The following PTPRM variants were observed in gnomAD, a reference collection of about 807,000 sequenced individuals.
The protein encoded by PTPRM is protein tyrosine phosphatase receptor type M, also known as receptor-type tyrosine-protein phosphatase mu.
In PTPRM, 47 loss-of-function variants were observed where a neutral mutation model predicts 186.7. That is an observed-to-expected ratio of 0.25 (90% CI 0.20 to 0.32). PTPRM has a LOEUF of 0.32. Among genes scored for constraint, PTPRM ranks in the 10% least tolerant of loss-of-function variants. PTPRM has a pLI of 1.00. For missense variants in PTPRM, 1,494 were observed against 1,865.0 expected (o/e 0.80, Z 3.66); for synonymous variants, 668 against 674.9 (o/e 0.99, Z 0.16).
chr18:8,099,413 T>G (rs1161120025), intron 11 of PTPRM, among the ~76,000 whole-genome samples: 1 of 152,236 alleles, frequency 6.6e-6, no homozygotes, highest in Non-Finnish European at 1.5e-5. Context: ...GACACAGGCT[T>G]CCATGAGTAT....
chr18:7,764,639 C>T (rs935559813), intron 1 of PTPRM, among the ~76,000 whole-genome samples: 1 of 152,180 alleles, frequency 6.6e-6, no homozygotes, highest in Non-Finnish European at 1.5e-5. Context: ...GGTTCTGACT[C>T]AGTAGGTCTG....
At chr18:7,748,169 A>G (rs1408991884) in intron 1 of PTPRM, among the ~76,000 whole-genome samples, 1 of 152,198 alleles carries the variant, frequency 6.6e-6, no homozygotes, top group Non-Finnish European at 1.5e-5. Context: ...TTCTGTGATG[A>G]TGGAATTGTC....
Position 7,748,978 on chromosome 18 carries a change from C to T in PTPRM, c.74-25171C>T, listed in dbSNP as rs568380702. The T allele has an allele frequency of 2.0e-5, 3 of 152,318 alleles. No homozygotes were observed. In the East Asian group the frequency reaches 5.8e-4, roughly 29 times the overall value. 9.4% of individuals were successfully genotyped at this position (152,318 alleles called of 1,614,324 possible). On this transcript the variant is annotated intron_variant, in intron 1 of 32. Coordinates refer to ENST00000580170, the MANE Select transcript of PTPRM (RefSeq NM_001105244.2). ...ACTCTAGTATAATTTCAGAATTCCT[C>T]CATTGATATTTCTTGATTACAATTT... is the stretch of plus-strand genomic sequence containing the variant.
At chr18:7,928,689 G>T (rs894360222) in intron 5 of PTPRM, among the ~76,000 whole-genome samples, 1 of 152,074 alleles carries the variant, frequency 6.6e-6, no homozygotes, top group African/African-American at 2.4e-5. Flanking sequence ...ATTAAGTCTA[G>T]AGAATACAAT....
chr18:7,799,854 T>A (rs1477598253), intron 2 of PTPRM, among the ~76,000 whole-genome samples: 1 of 152,208 alleles, frequency 6.6e-6, no homozygotes, highest in Non-Finnish European at 1.5e-5. Context: ...TATAACATCC[T>A]TATTTTGTTC....
intron 4 of PTPRM, among the ~76,000 whole-genome samples, chr18:7,912,885 G>T (rs2050352114): frequency 6.6e-6 from 1 of 152,094 alleles, no homozygotes. Flanking sequence ...AATTCAGCTG[G>T]GATATTGATA....
At chr18:8,094,011 TC>T (rs2090892146) in intron 11 of PTPRM, among the ~76,000 whole-genome samples, 1 of 152,212 alleles carries the variant, frequency 6.6e-6, no homozygotes, top group Non-Finnish European at 1.5e-5. Flanking sequence ...TAGAATTCAC[TC>T]CCCAGATTCC....
chr18:8,326,898 C>G (rs1196758458), intron 22 of PTPRM, among the ~76,000 whole-genome samples: 2 of 152,034 alleles, frequency 1.3e-5, no homozygotes, highest in African/African-American at 4.8e-5. Context: ...AGCAAAGGGG[C>G]CTTTTCTTTT....
chr18:7,715,589 A>T lies in PTPRM; in HGVS notation c.74-58560A>T, dbSNP rs1407404153. 3.3e-5 allele frequency among the ~76,000 whole-genome samples: 5 copies of T among 152,306 alleles called. No homozygotes were observed. The East Asian group carries it at 9.7e-4, about 29-fold the overall frequency. ...ATTGTCTCTGTTTGCATATGACATG[A>T]TTGTATATTTAGAAAACCCCATCAT... On this transcript the variant is annotated intron_variant, in intron 1 of 32. Coordinates refer to ENST00000580170, the MANE Select transcript of PTPRM (RefSeq NM_001105244.2).
At chr18:8,220,096 T>C (rs997793080) in intron 14 of PTPRM, among the ~76,000 whole-genome samples, 3 of 152,270 alleles carry the variant, frequency 2.0e-5, no homozygotes, top group Admixed American at 6.5e-5. Context: ...GATTTTCTTT[T>C]ACCGCATGGT....
intron 7 of PTPRM, among the ~76,000 whole-genome samples, chr18:8,005,502 G>A (rs572952890): frequency 3.3e-5 from 5 of 152,126 alleles, no homozygotes; most frequent in Non-Finnish European, 5.9e-5. Flanking sequence ...CAGATCAGTG[G>A]TTGAGGTTGA....
intron 7 of PTPRM, among the ~76,000 whole-genome samples, chr18:7,974,710 G>A (rs1443625717): frequency 6.6e-6 from 1 of 152,136 alleles, no homozygotes; most frequent in African/African-American, 2.4e-5. Flanking sequence ...ACATTTAAAA[G>A]CAACTGGGGA....
At chr18:7,960,728 A>G (rs1234546464) in intron 7 of PTPRM, among the ~76,000 whole-genome samples, 1 of 152,010 alleles carries the variant, frequency 6.6e-6, no homozygotes, top group Non-Finnish European at 1.5e-5. Context: ...ACTGCACTCC[A>G]TCATCGACAG....
intron 2 of PTPRM, among the ~76,000 whole-genome samples, chr18:7,855,798 G>A (rs575300694): frequency 1.6e-4 from 24 of 152,354 alleles, no homozygotes; most frequent in African/African-American, 4.8e-4. Flanking sequence ...ACTACATGGA[G>A]AGACATTTGT....
At chr18:7,679,346 G>T (rs1166043404) in intron 1 of PTPRM, among the ~76,000 whole-genome samples, 2 of 152,090 alleles carry the variant, frequency 1.3e-5, no homozygotes, top group Non-Finnish European at 2.9e-5. Context: ...GGCTATTAAA[G>T]AACTTTCAGA....
At chr18:7,675,506 C>T (rs1395293031) in intron 1 of PTPRM, among the ~76,000 whole-genome samples, 1 of 152,034 alleles carries the variant, frequency 6.6e-6, no homozygotes, top group Non-Finnish European at 1.5e-5. Context: ...AAGTTTGAAA[C>T]AGGTAGTCTA....
intron 14 of PTPRM, among the ~76,000 whole-genome samples, chr18:8,177,583 G>A (rs2093504522): frequency 6.6e-6 from 1 of 152,188 alleles, no homozygotes; most frequent in Non-Finnish European, 1.5e-5. Context: ...ACTCCTCTTA[G>A]CAGCAGCAAA....
chr18:8,392,395 C>T (rs540526364), intron 31 of PTPRM, among the ~76,000 whole-genome samples: 9 of 152,116 alleles, frequency 5.9e-5, no homozygotes, highest in South Asian at 4.2e-4. Flanking sequence ...GAGGCCGGGG[C>T]GGGCAGATCA....
At chr18:8,166,493 A>G (rs1400432772) in intron 14 of PTPRM, among the ~76,000 whole-genome samples, 2 of 152,214 alleles carry the variant, frequency 1.3e-5, no homozygotes, top group Non-Finnish European at 2.9e-5. Flanking sequence ...ACCAGCAGAG[A>G]TAATAATGAC....
Sources: allele counts gnomAD v4.1 joint callset (sites outside exome capture counted in the v4.1 genomes callset), GRCh38; gene constraint gnomAD v4.1.1; transcripts MANE v1.5; gene names NCBI Gene and HGNC (gene_info 2026-07-23, HGNC 2026-07-21).